The following MAML2 variants were observed in gnomAD, a reference collection of about 807,000 sequenced individuals.
The protein encoded by MAML2 is mastermind-like protein 2.
A neutral mutation model predicts 96.1 loss-of-function variants in MAML2; 22 were observed. That is an observed-to-expected ratio of 0.23 (90% CI 0.16 to 0.33). MAML2 has a LOEUF of 0.33. MAML2 is among the 10% of genes least tolerant of loss of function. MAML2 has a pLI of 1.00. For synonymous variants in MAML2, 561 were observed against 521.3 expected, an observed-to-expected ratio of 1.08 and a Z score of -1.04; for missense variants, 1,367 against 1,392.4, an observed-to-expected ratio of 0.98 and a Z score of 0.29.
chr11:96,170,334 A>T (rs1396011649), intron 1 of MAML2, among the ~76,000 whole-genome samples: 1 of 152,238 alleles, frequency 6.6e-6, no homozygotes, highest in Non-Finnish European at 1.5e-5. Context: ...TTAAAAATTA[A>T]TCAGACACAG....
intron 1 of MAML2, among the ~76,000 whole-genome samples, chr11:96,208,820 A>C (rs540145862): frequency 6.6e-6 from 1 of 152,310 alleles, no homozygotes; most frequent in Non-Finnish European, 1.5e-5. Flanking sequence ...TTAAAAAAAA[A>C]TCATACAGGA....
chr11:96,245,929 T>C (rs1372652512), intron 1 of MAML2, among the ~76,000 whole-genome samples: 1 of 152,066 alleles, frequency 6.6e-6, no homozygotes, highest in Non-Finnish European at 1.5e-5. Flanking sequence ...GGTTTCGAAC[T>C]CCTGACCTCG....
chr11:96,183,399 C>G (rs1414043825), intron 1 of MAML2, among the ~76,000 whole-genome samples: 4 of 61,964 alleles, frequency 6.5e-5, no homozygotes, highest in African/African-American at 2.6e-4. Flanking sequence ...TTCCTCCCCC[C>G]CCCCCCTTTC....
chr11:96,162,580 G>A (rs1428782940), intron 1 of MAML2, among the ~76,000 whole-genome samples: 2 of 151,936 alleles, frequency 1.3e-5, no homozygotes, highest in Admixed American at 6.5e-5. Context: ...GCATGGTGGT[G>A]CATGCCGGTA....
At chr11:96,250,062 T>C (rs1285789805) in intron 1 of MAML2, among the ~76,000 whole-genome samples, 1 of 152,148 alleles carries the variant, frequency 6.6e-6, no homozygotes, top group African/African-American at 2.4e-5. Flanking sequence ...GAACTCGTTA[T>C]CCAGACAGTT....
chr11:96,246,158 C>T (rs1028278069), intron 1 of MAML2, among the ~76,000 whole-genome samples: 2 of 151,982 alleles, frequency 1.3e-5, no homozygotes, highest in Non-Finnish European at 2.9e-5. Flanking sequence ...GTAAATACAT[C>T]CTAAGAACTG....
chr11:96,099,192 C>CGAG (rs1859882136), intron 1 of MAML2, among the ~76,000 whole-genome samples: 1 of 152,128 alleles, frequency 6.6e-6, no homozygotes, highest in African/African-American at 2.4e-5. Context: ...GGCTATTTTA[C>CGAG]TCATGGCTGA....
At chr11:96,070,939 G>A (rs554934421) in intron 2 of MAML2, among the ~76,000 whole-genome samples, 1 of 152,328 alleles carries the variant, frequency 6.6e-6, no homozygotes, top group South Asian at 2.1e-4. Flanking sequence ...TTCCTATTGT[G>A]TATCTCTGTC....
chr11:96,138,238 G>A (rs1174474046), intron 1 of MAML2, among the ~76,000 whole-genome samples: 2 of 152,292 alleles, frequency 1.3e-5, no homozygotes, highest in East Asian at 3.9e-4. Flanking sequence ...TGTCGTCCAT[G>A]CTGATACCTG....
At chr11:96,166,393 G>A (rs766782156) in intron 1 of MAML2, among the ~76,000 whole-genome samples, 6 of 152,146 alleles carry the variant, frequency 3.9e-5, no homozygotes, top group Non-Finnish European at 5.9e-5. Flanking sequence ...GGTTATTTTC[G>A]TTAAGTTAAA....
At chr11:96,117,731 C>A (rs1860268407) in intron 1 of MAML2, among the ~76,000 whole-genome samples, 3 of 152,114 alleles carry the variant, frequency 2.0e-5, no homozygotes, top group Admixed American at 1.3e-4. Context: ...ATTCTTAGAA[C>A]AAAAATGGTC....
At chr11:96,109,020 C>CAA (rs10694455) in intron 1 of MAML2, among the ~76,000 whole-genome samples, 3,909 of 144,792 alleles carry the variant, frequency 0.027, 172 homozygotes, top group African/African-American at 0.088. Context: ...TTGAGTGTTT[C>CAA]AAAAAAAAAA....
intron 2 of MAML2, among the ~76,000 whole-genome samples, chr11:96,069,482 T>G (rs900100907): frequency 4.6e-5 from 7 of 151,940 alleles, no homozygotes; most frequent in African/African-American, 1.7e-4. Flanking sequence ...GAGACCAGCC[T>G]GGGCAACATG....
intron 1 of MAML2, among the ~76,000 whole-genome samples, chr11:96,126,557 A>G (rs1186960465): frequency 6.6e-6 from 1 of 152,156 alleles, no homozygotes; most frequent in East Asian, 1.9e-4. Context: ...GCGAGACTCC[A>G]TCTCACAAAA....
chr11:96,128,840 AGGCAAACCAGAATTCTACT>A (rs2032097994), intron 1 of MAML2, among the ~76,000 whole-genome samples: 1 of 152,244 alleles, frequency 6.6e-6, no homozygotes, highest in African/African-American at 2.4e-5. Flanking sequence ...TGTCAACTCA[AGGCAAACCAGAATTCTACT>A]GGCAGGTGGC....
intron 1 of MAML2, among the ~76,000 whole-genome samples, chr11:96,222,188 T>C (rs1486887240): frequency 6.6e-6 from 1 of 152,212 alleles, no homozygotes; most frequent in Non-Finnish European, 1.5e-5. Context: ...GGCTTACAAA[T>C]GCTGCTCAGG....
intron 2 of MAML2, among the ~76,000 whole-genome samples, chr11:96,080,387 G>A (rs1859512535): frequency 6.6e-6 from 1 of 152,136 alleles, no homozygotes; most frequent in African/African-American, 2.4e-5. Flanking sequence ...AATAGCTTTT[G>A]CATTTTAATA....
intron 3 of MAML2, among the ~76,000 whole-genome samples, chr11:95,989,804 A>G (rs1857883336): frequency 6.6e-6 from 1 of 152,214 alleles, no homozygotes; most frequent in Non-Finnish European, 1.5e-5. Flanking sequence ...AATATTCCTT[A>G]TTCCAGGTCA....
intron 1 of MAML2, among the ~76,000 whole-genome samples, chr11:96,154,035 CTT>C (rs1470770525): frequency 2.0e-5 from 3 of 152,168 alleles, no homozygotes; most frequent in Non-Finnish European, 4.4e-5. Context: ...TAAAACAACA[CTT>C]TGCAAAATAT....
Sources: gnomAD v4.1 joint callset for allele counts (sites outside exome capture counted in the v4.1 genomes callset) on GRCh38, gnomAD v4.1.1 for gene constraint, MANE v1.5 for transcripts, NCBI Gene and HGNC (gene_info 2026-07-23, HGNC 2026-07-21) for gene names.